Variants in SLC25A12 observed in about 807,000 individuals in gnomAD.
The protein encoded by SLC25A12 is electrogenic aspartate/glutamate antiporter SLC25A12, mitochondrial.
Under a neutral mutation model 83.3 loss-of-function variants are expected in SLC25A12, and 32 were observed. The observed-to-expected ratio is 0.38, with a 90% CI of 0.29 to 0.52. The LOEUF (loss-of-function observed/expected upper bound fraction) is 0.52. Ranked by LOEUF, SLC25A12 falls within the 20% of genes least tolerant of loss-of-function variation. The pLI is 0.84. For missense variants in SLC25A12, 611 were observed against 835.6 expected (o/e 0.73, Z 3.31); for synonymous variants, 267 against 291.1 (o/e 0.92, Z 0.84).
chr2:171,805,085 TTC>T (rs1329835383), intron 13 of SLC25A12, among the ~76,000 whole-genome samples: 1 of 148,916 alleles, frequency 6.7e-6, no homozygotes, highest in Non-Finnish European at 1.5e-5. Flanking sequence ...CTGTTATTTT[TTC>T]TGTTTTTTTG....
intron 15 of SLC25A12, among the ~76,000 whole-genome samples, chr2:171,790,516 C>G (rs145251030): frequency 0.025 from 3,857 of 152,250 alleles, 60 homozygotes; most frequent in Middle Eastern, 0.037. Context: ...AATGAAATCT[C>G]TTCTGTGCCT....
At chr2:171,842,551 G>A (rs1046815239) in intron 5 of SLC25A12, among the ~76,000 whole-genome samples, 4 of 151,964 alleles carry the variant, frequency 2.6e-5, no homozygotes, top group South Asian at 2.1e-4. Context: ...CTGAGATCAC[G>A]CCATTGCACA....
intron 2 of SLC25A12, among the ~76,000 whole-genome samples, chr2:171,876,006 A>T (rs1685563314): frequency 6.6e-6 from 1 of 152,100 alleles, no homozygotes; most frequent in Non-Finnish European, 1.5e-5. Flanking sequence ...AATCGCCAAG[A>T]TGTCAACATT....
intron 3 of SLC25A12, among the ~76,000 whole-genome samples, chr2:171,866,398 A>G (rs1216593709): frequency 7.1e-6 from 1 of 141,570 alleles, no homozygotes; most frequent in Non-Finnish European, 1.5e-5. Context: ...CTCACTTCCC[A>G]GTAGGGGCGG....
intron 5 of SLC25A12, among the ~76,000 whole-genome samples, chr2:171,841,856 G>C (rs1684679432): frequency 6.6e-6 from 1 of 152,204 alleles, no homozygotes; most frequent in Non-Finnish European, 1.5e-5. Context: ...TAAAAGTGAA[G>C]GGTGATCACA....
In SLC25A12 at chr2:171,893,151, A is replaced by T. The variant is rs1685980676; in HGVS notation, c.66+54T>A. 2.9e-6 allele frequency: 4 copies of T among 1,390,396 alleles called. No homozygotes were observed. In the East Asian group the frequency reaches 9.1e-5, roughly 32 times the overall value. The allele number at this position is 1,390,396 out of a possible 1,614,324, so 86.1% of individuals were successfully genotyped here. A position where few individuals can be genotyped will look rare whatever the true frequency, so the allele number is the denominator to read the frequency against. On this transcript the variant is annotated intron_variant, in intron 2 of 17. Coordinates refer to ENST00000422440, the MANE Select transcript of SLC25A12 (RefSeq NM_003705.5). The stretch of plus-strand genomic sequence containing the variant: ...AGTTAAGGCATGAATAGGACTAAGG[A>T]CATGTACGTTTTTTGTTTTTGCAAT...
At chr2:171,793,575 T>C in intron 14 of SLC25A12, 52 bp downstream of exon 14, 3 of 1,572,498 alleles carry the variant, frequency 1.9e-6, no homozygotes, top group Non-Finnish European at 2.6e-6. Flanking sequence ...GAAGTCTGGT[T>C]TCCACATTCT....
intron 2 of SLC25A12, among the ~76,000 whole-genome samples, chr2:171,877,617 A>G (rs943890815): frequency 2.0e-5 from 3 of 150,636 alleles, no homozygotes; most frequent in African/African-American, 7.3e-5. Context: ...GTAAGCCGAG[A>G]TCGTGCCACT....
intron 2 of SLC25A12, among the ~76,000 whole-genome samples, chr2:171,872,138 C>T (rs1685470009): frequency 6.6e-6 from 1 of 152,050 alleles, no homozygotes; most frequent in African/African-American, 2.4e-5. Flanking sequence ...GGCTCTACCA[C>T]TAACCCTTTG....
chr2:171,863,229 A>T (rs543944261), intron 3 of SLC25A12, among the ~76,000 whole-genome samples: 3 of 152,178 alleles, frequency 2.0e-5, no homozygotes, highest in African/African-American at 7.2e-5. Flanking sequence ...AAAGATGATT[A>T]TAAGAAGAAA....
At chr2:171,877,963 T>G (rs924697809) in intron 2 of SLC25A12, among the ~76,000 whole-genome samples, 2 of 152,134 alleles carry the variant, frequency 1.3e-5, no homozygotes, top group African/African-American at 4.8e-5. Context: ...TTTAAAAAAT[T>G]ATATGGTGTA....
rs1329961914 is a variant in SLC25A12, at chr2:171,798,100, G to C, written c.1306-4333C>G. Among the ~76,000 whole-genome samples the C allele has an allele frequency of 2.0e-5, 3 of 152,056 alleles. No homozygotes were observed. The East Asian group carries it at 5.8e-4, about 29-fold the overall frequency. On this transcript the variant is annotated intron_variant, in intron 13 of 17. Transcript: ENST00000422440. Reference sequence around the variant, plus strand: ...CTGAGTTTAAAAGATACATAAAAGAGAACAAATCTCATTTTGAATGAGGGT... The same window carrying C: ...CTGAGTTTAAAAGATACATAAAAGACAACAAATCTCATTTTGAATGAGGGT...
chr2:171,857,544 G>A (rs1685072206), intron 3 of SLC25A12, among the ~76,000 whole-genome samples: 1 of 152,002 alleles, frequency 6.6e-6, no homozygotes, highest in African/African-American at 2.4e-5. Context: ...AATTAGCCAG[G>A]TGTGGTGGTG....
At chr2:171,792,799 C>T (rs1007689042) in intron 14 of SLC25A12, among the ~76,000 whole-genome samples, 1 of 152,130 alleles carries the variant, frequency 6.6e-6, no homozygotes, top group African/African-American at 2.4e-5. Flanking sequence ...GTTTGCTGGT[C>T]TCCAGAGAAC....
chr2:171,893,106 G>T, intron 2 of SLC25A12, 99 bp downstream of exon 2: 1 of 955,072 alleles, frequency 1.0e-6, no homozygotes, highest in Non-Finnish European at 1.7e-6. Context: ...AAGAATACAT[G>T]AAAACTGAAC....
intron 2 of SLC25A12, among the ~76,000 whole-genome samples, chr2:171,888,449 A>AT (rs899934731): frequency 6.0e-5 from 9 of 150,722 alleles, no homozygotes; most frequent in Non-Finnish European, 3.0e-5. Context: ...TTTAATTATT[A>AT]TTTTTTTTGA....
chr2:171,866,523 C>T (rs1431239292), intron 3 of SLC25A12, among the ~76,000 whole-genome samples: 3 of 147,506 alleles, frequency 2.0e-5, no homozygotes, highest in Non-Finnish European at 4.5e-5. Context: ...CCTCACTTCC[C>T]AGTAGGGGCG....
chr2:171,879,715 T>A (rs1374564318), intron 2 of SLC25A12, among the ~76,000 whole-genome samples: 1 of 152,224 alleles, frequency 6.6e-6, no homozygotes, highest in Non-Finnish European at 1.5e-5. Flanking sequence ...TGTATAAGCT[T>A]GGGCAAATCA....
At chr2:171,874,930 A>T (rs973248185) in intron 2 of SLC25A12, among the ~76,000 whole-genome samples, 8 of 152,194 alleles carry the variant, frequency 5.3e-5, no homozygotes, top group Non-Finnish European at 1.2e-4. Context: ...TAAGTAACAA[A>T]AGGACCTGAG....
Sources: allele counts gnomAD v4.1 joint callset (sites outside exome capture counted in the v4.1 genomes callset), GRCh38; gene constraint gnomAD v4.1.1; transcripts MANE v1.5; gene names NCBI Gene and HGNC (gene_info 2026-07-23, HGNC 2026-07-21).